The following CFLAR variants were observed in gnomAD, a reference collection of about 807,000 sequenced individuals.
CFLAR encodes CASP8 and FADD-like apoptosis regulator.
In CFLAR, 14 loss-of-function variants were observed where a neutral mutation model predicts 51.1. That is an observed-to-expected ratio of 0.27 (90% CI 0.18 to 0.43). The LOEUF is 0.43. CFLAR is among the 20% of genes least tolerant of loss of function. CFLAR has a pLI of 1.00. For synonymous variants in CFLAR, 210 were observed against 211.6 expected (o/e 0.99, Z 0.06); for missense variants, 390 against 566.5 (o/e 0.69, Z 3.16).
intron 2 of CFLAR, among the ~76,000 whole-genome samples, chr2:201,131,029 A>G (rs2049255143): frequency 6.6e-6 from 1 of 152,186 alleles, no homozygotes; most frequent in Non-Finnish European, 1.5e-5. Context: ...TGGAGAGCCC[A>G]CATTGAAAAT....
At chr2:201,119,266 G>A (rs2047928721) in intron 1 of CFLAR, 3 of 152,182 alleles carry the variant, frequency 2.0e-5, no homozygotes, top group South Asian at 2.1e-4. Context: ...GGGTGCCGAG[G>A]ACATAGAAAT....
rs1944093812 is a variant in CFLAR, at chr2:201,172,793, A to C, written c.*8820A>C. ...TGGATATACCGCATTTAGTTTATTCATCAGTTGATCGAAATTTAGACTGTT... is the reference window on the plus strand; with the variant it reads ...TGGATATACCGCATTTAGTTTATTCCTCAGTTGATCGAAATTTAGACTGTT... On this transcript the variant is annotated 3_prime_UTR_variant, in exon 10 of 10. Coordinates refer to ENST00000309955, the MANE Select transcript of CFLAR (RefSeq NM_003879.7). The C allele has an allele frequency of 6.6e-6, 1 of 152,224 alleles. No homozygotes were observed. The highest frequency in any genetic ancestry group is 1.5e-5 in the Non-Finnish European group (1 of 68,036). The allele number at this position is 152,224 out of a possible 1,614,324, so 9.4% of individuals were successfully genotyped here. A position where few individuals can be genotyped will look rare whatever the true frequency, so the allele number is the denominator to read the frequency against.
At position 201,163,579 on chromosome 2, in the gene CFLAR, T is replaced by C. The variant is rs1943268279; in HGVS notation, c.1305-256T>C. On this transcript the variant is annotated intron_variant, in intron 9 of 9. Transcript: ENST00000309955. ...CCTTTTGAGCCCATCCCCATTTGCA[T>C]AGATGATCCACGTGGGTTATCATCT... The C allele has an allele frequency of 2.4e-6, 3 of 1,267,878 alleles. No homozygotes were observed. In the African/African-American group the frequency reaches 4.5e-5, roughly 19 times the overall value. The allele number at this position is 1,267,878 out of a possible 1,614,324, so 78.5% of individuals were successfully genotyped here. A position where few individuals can be genotyped will look rare whatever the true frequency, so the allele number is the denominator to read the frequency against.
rs1943746228 is a variant in CFLAR at position 201,167,937 on chromosome 2, T to C, written c.*3964T>C. 6.6e-6 allele frequency: 1 copy of C among 152,224 alleles called. No homozygotes were observed. Among genetic ancestry groups the C allele is most frequent in the African/African-American group, 2.4e-5 (1 of 41,464 alleles). The allele number at this position is 152,224 out of a possible 1,614,324, so 9.4% of individuals were successfully genotyped here. A position where few individuals can be genotyped will look rare whatever the true frequency, so the allele number is the denominator to read the frequency against. On this transcript the variant is annotated 3_prime_UTR_variant, in exon 10 of 10. Coordinates refer to ENST00000309955, the MANE Select transcript of CFLAR (RefSeq NM_003879.7). ...CAACCTAGTTAACCCAAGTGATGCA[T>C]TGTTATGAGATTAAAATGTTTGGAG...
intron 3 of CFLAR, among the ~76,000 whole-genome samples, chr2:201,134,260 A>T (rs1449950135): frequency 1.3e-5 from 2 of 151,860 alleles, no homozygotes; most frequent in Non-Finnish European, 2.9e-5. Context: ...GTGAGTCGAG[A>T]TTGCACCATT....
intron 6 of CFLAR, chr2:201,148,463 T>C (rs1018636082): frequency 6.6e-6 from 1 of 152,396 alleles, no homozygotes; most frequent in Non-Finnish European, 1.5e-5. Flanking sequence ...CTCATCTCCA[T>C]TTGCCAGGCT....
rs886547470 is a variant in CFLAR at position 201,173,924 on chromosome 2, G to A, written c.*9951G>A. 20 of 152,168 alleles carry A rather than the reference G, an allele frequency of 1.3e-4. No individual in the cohort carries two copies. The highest frequency in any genetic ancestry group is 4.1e-4 in the African/African-American group (17 of 41,416). The allele number at this position is 152,168 out of a possible 1,614,324, so 9.4% of individuals were successfully genotyped here. A position where few individuals can be genotyped will look rare whatever the true frequency, so the allele number is the denominator to read the frequency against. On this transcript the variant is annotated 3_prime_UTR_variant, in exon 10 of 10. Coordinates refer to ENST00000309955, the MANE Select transcript of CFLAR (RefSeq NM_003879.7). ...TGAACTCAGGTGATCTGCCTGCCTC[G>A]GCCTCCCAAAATGCTAGGATTACAG...
At chr2:201,145,044 G>A (rs796257543) in intron 5 of CFLAR, among the ~76,000 whole-genome samples, 4 of 152,076 alleles carry the variant, frequency 2.6e-5, no homozygotes, top group African/African-American at 9.6e-5. Flanking sequence ...GTAGAGATGG[G>A]GTTTTACCAT....
At position 201,138,848 on chromosome 2, in the gene CFLAR, C is replaced by G; in HGVS notation, c.524-1509C>G. 4 of 731,876 alleles carry G rather than the reference C, an allele frequency of 5.5e-6. No individual in the cohort carries two copies. Among genetic ancestry groups the G allele is most frequent in the Non-Finnish European group, 1.0e-5 (4 of 395,592 alleles). The allele number at this position is 731,876 out of a possible 1,614,324, so 45.3% of individuals were successfully genotyped here. On this transcript the variant is annotated intron_variant, in intron 4 of 9. Transcript: ENST00000309955. This position sits in a 1 kb window ranked among gnomAD's most constrained non-coding sequence, Gnocchi z 4.0. ...CCAGGTCGGCCTCTGTCACAGTGTC[C>G]ATGGGGGAGGAGATCAGCGGCGTCT...
intron 1 of CFLAR, among the ~76,000 whole-genome samples, chr2:201,121,509 A>G (rs2048182701): frequency 6.6e-6 from 1 of 152,224 alleles, no homozygotes; most frequent in African/African-American, 2.4e-5. Flanking sequence ...GACTGAAGCA[A>G]GTGGGGAATT....
At chr2:201,156,466 G>T (rs957551534) in intron 8 of CFLAR, among the ~76,000 whole-genome samples, 2 of 152,158 alleles carry the variant, frequency 1.3e-5, no homozygotes, top group Non-Finnish European at 2.9e-5. Flanking sequence ...TAAATTAACT[G>T]GTGAAGCATT....
intron 8 of CFLAR, chr2:201,151,360 T>A (rs562867991): frequency 7.2e-5 from 11 of 152,310 alleles, no homozygotes; most frequent in African/African-American, 2.4e-4. Context: ...ATTTCCAGTT[T>A]TAGAGCTTCT....
chr2:201,160,601 G>C lies in CFLAR; in HGVS notation c.963G>C (p.Val321=). 4 of 1,614,094 alleles carry C rather than the reference G, an allele frequency of 2.5e-6. No individual in the cohort carries two copies. The highest frequency in any genetic ancestry group is 2.2e-5 in the South Asian group (2 of 91,074). Residue 321 remains valine (V), a synonymous_variant, in exon 9 of 10, where the codon GTG becomes GTC. Transcript: ENST00000309955. ...TGAGCCGAGGAGGCTCCCAGAGTGT[G>C]TATGGTGTGGATCAGACTCACTCAG... ...VLVSRGGSQS[V]YGVDQTHSGL...
intron 4 of CFLAR, chr2:201,137,593 A>C: frequency 1.3e-6 from 1 of 744,786 alleles, no homozygotes; most frequent in Admixed American, 1.7e-5. Flanking sequence ...TGCTTCTCAA[A>C]CTTGAGCTCC....
chr2:201,129,537 G>A (rs1176371225), intron 1 of CFLAR, 192 bp from the exon 2 acceptor site: 5 of 404,188 alleles, frequency 1.2e-5, no homozygotes, highest in South Asian at 1.2e-4. Flanking sequence ...TTTCTTCTCT[G>A]TCTTTTTGGA....
At position 201,171,463 on chromosome 2, in the gene CFLAR, A is replaced by T. The variant is rs973100538; in HGVS notation, c.*7490A>T. ...GAAGCTGAACAATGAGAACACACGG[A>T]CACAGGGATGAGATCAACACACACT... On this transcript the variant is annotated 3_prime_UTR_variant, in exon 10 of 10. Coordinates refer to ENST00000309955, the MANE Select transcript of CFLAR (RefSeq NM_003879.7). The T allele has an allele frequency of 5.3e-5, 8 of 151,424 alleles. No homozygotes were observed. The highest frequency in any genetic ancestry group is 1.9e-4 in the African/African-American group (8 of 41,114). 9.4% of individuals were successfully genotyped at this position (151,424 alleles called of 1,614,324 possible). A position where few individuals can be genotyped will look rare whatever the true frequency, so the allele number is the denominator to read the frequency against.
At chr2:201,148,778 C>G (rs938049377) in intron 6 of CFLAR, 5 of 452,824 alleles carry the variant, frequency 1.1e-5, no homozygotes, top group Non-Finnish European at 1.6e-5. Flanking sequence ...GCTGTTTAAG[C>G]AGCTTTTCCA....
At chr2:201,160,195 C>T (rs1942836401) in intron 8 of CFLAR, among the ~76,000 whole-genome samples, 2 of 152,118 alleles carry the variant, frequency 1.3e-5, no homozygotes, top group Non-Finnish European at 2.9e-5. Flanking sequence ...TGGCTGGCAT[C>T]AGGCAGGAAC....
Position 201,164,615 on chromosome 2 carries a change from C to G in CFLAR, c.*642C>G, listed in dbSNP as rs1943369034. 1 of 152,160 alleles carries G rather than the reference C, an allele frequency of 6.6e-6. No homozygotes were observed. Among genetic ancestry groups the G allele is most frequent in the African/African-American group, 2.4e-5 (1 of 41,422 alleles). The allele number at this position is 152,160 out of a possible 1,614,324, so 9.4% of individuals were successfully genotyped here. A position where few individuals can be genotyped will look rare whatever the true frequency, so the allele number is the denominator to read the frequency against. On this transcript the variant is annotated 3_prime_UTR_variant, in exon 10 of 10. Coordinates refer to ENST00000309955, the MANE Select transcript of CFLAR (RefSeq NM_003879.7). ...TGGCAGCTGATTAGATGGTGCCCAC[C>G]CAGATTGAGGATGGTCTGCCTTTCC...
Sources: gnomAD v4.1 joint callset for allele counts (sites outside exome capture counted in the v4.1 genomes callset) on GRCh38, gnomAD v4.1.1 for gene constraint, Gnocchi (gnomAD v3.1) non-coding constraint, MANE v1.5 for transcripts, NCBI Gene and HGNC (gene_info 2026-07-23, HGNC 2026-07-21) for gene names.